POU2F2: variants seen among roughly 807,000 people sequenced by gnomAD.
POU2F2 encodes the protein POU class 2 homeobox 2.
In POU2F2, 14 loss-of-function variants were observed where a neutral mutation model predicts 63.5. That is an observed-to-expected ratio of 0.22 (90% confidence interval 0.15 to 0.34). The LOEUF is 0.34. Among genes scored for constraint, POU2F2 ranks in the 10% least tolerant of loss-of-function variants. The probability of loss-of-function intolerance (pLI) is 1.00; values close to 1 mark genes in which losing one functional copy is unlikely to be tolerated. For synonymous variants in POU2F2, 306 were observed against 348.6 expected, an observed-to-expected ratio of 0.88 and a Z score of 1.36; for missense variants, 607 against 815.2, an observed-to-expected ratio of 0.74 and a Z score of 3.11.
chr19:42,103,855 G>C (rs780716222), intron 5 of POU2F2, among the ~76,000 whole-genome samples: 3 of 151,534 alleles, frequency 2.0e-5, no homozygotes, highest in Non-Finnish European at 2.9e-5. Context: ...GGATGGTCTC[G>C]ATCTCCTGAC....
Position 42,117,317 on chromosome 19 carries a change from G to T in POU2F2, c.302C>A (p.Pro101His), listed in dbSNP as rs758527510. The change falls in exon 5 of 15, where the codon CCC becomes CAC. Residue 101 changes from proline to histidine, a missense_variant. Physicochemically the swap from Pro to His is moderately conservative, Grantham distance 77 (BLOSUM62 -2). Transcript: ENST00000692977. The surrounding 1 kb of genome is among the most constrained non-coding windows in gnomAD (Gnocchi z 4.4). Reference sequence around the variant, plus strand: ...CAGATGAGGCTGGGCCGGCTGAGGGGGCAGGGGTGCTGCTGGGGCTGAATC... The same window carrying T: ...CAGATGAGGCTGGGCCGGCTGAGGGTGCAGGGGTGCTGCTGGGGCTGAATC... ...SGDSAPAAPLPPQPAQPHLPQ... is the reference protein window; with the variant it reads ...SGDSAPAAPLHPQPAQPHLPQ... The T allele has an allele frequency of 6.6e-7, 1 of 1,525,632 alleles. No individual in the cohort carries two copies. Among genetic ancestry groups the T allele is most frequent in the Admixed American group, 2.5e-5 (1 of 39,416 alleles). The allele number at this position is 1,525,632 out of a possible 1,614,324, so 94.5% of individuals were successfully genotyped here.
intron 2 of POU2F2, among the ~76,000 whole-genome samples, chr19:42,142,736 T>C (rs1376352933): frequency 6.6e-6 from 1 of 152,044 alleles, no homozygotes; most frequent in Non-Finnish European, 1.5e-5. Context: ...CTAAGTTTTG[T>C]ACTTTTTGGT....
chr19:42,167,027 G>A (rs1013090821), intron 1 of POU2F2, among the ~76,000 whole-genome samples: 1 of 152,108 alleles, frequency 6.6e-6, no homozygotes, highest in African/African-American at 2.4e-5. Context: ...TACACACTAG[G>A]GATACAACTA....
At chr19:42,122,688 C>G (rs2032789100) in intron 1 of POU2F2, 112 bp from the exon 2 acceptor site, 5 of 979,894 alleles carry the variant, frequency 5.1e-6, no homozygotes, top group African/African-American at 1.7e-5. Flanking sequence ...CCCCCTTACC[C>G]CCAGCCACCT....
chr19:42,128,869 G>A (rs1045032017), intron 1 of POU2F2, among the ~76,000 whole-genome samples: 1 of 150,824 alleles, frequency 6.6e-6, no homozygotes, highest in Admixed American at 6.6e-5. Context: ...GTCTCACTCT[G>A]TCGCCCAGGC....
chr19:42,122,688 C>T, intron 1 of POU2F2, 112 bp from the exon 2 acceptor site: 1 of 980,012 alleles, frequency 1.0e-6, no homozygotes, highest in Non-Finnish European at 1.5e-6. Flanking sequence ...CCCCCTTACC[C>T]CCAGCCACCT....
At chr19:42,174,569 AC>A (rs540288454) in intron 1 of POU2F2, among the ~76,000 whole-genome samples, 207 of 150,766 alleles carry the variant, frequency 1.4e-3, no homozygotes, top group African/African-American at 4.7e-3. Context: ...CCAGTACCCA[AC>A]CCCCCACTGA....
In POU2F2 at chr19:42,096,970, A is replaced by ATCCCAGCACTTTGGGAGGCCGAG. The variant is rs2076943906; in HGVS notation, c.568-728_568-727insCTCGGCCTCCCAAAGTGCTGGGA. On this transcript the variant is annotated intron_variant, in intron 7 of 14. Coordinates refer to ENST00000692977, the MANE Select transcript of POU2F2 (RefSeq NM_001394376.1). The surrounding 1 kb of genome is among the most constrained non-coding windows in gnomAD (Gnocchi z 4.1). ...ACAGCTCTTAAGAAATTAAGTCCTA[A>ATCCCAGCACTTTGGGAGGCCGAG]GCAATGAGTAGATTGCAAATAAAGT... Among the ~76,000 whole-genome samples the ATCCCAGCACTTTGGGAGGCCGAG allele has an allele frequency of 6.6e-6, 1 of 152,026 alleles. No individual in the cohort carries two copies. Among genetic ancestry groups the ATCCCAGCACTTTGGGAGGCCGAG allele is most frequent in the East Asian group, 1.9e-4 (1 of 5,180 alleles).
Position 42,088,513 on chromosome 19 carries a change from T to C in POU2F2, c.*2744A>G, listed in dbSNP as rs2076618030. The C allele has an allele frequency of 1.3e-5, 2 of 151,036 alleles. No individual in the cohort carries two copies. Among genetic ancestry groups the C allele is most frequent in the African/African-American group, 4.9e-5 (2 of 41,160 alleles). 9.4% of individuals were successfully genotyped at this position (151,036 alleles called of 1,614,324 possible). ...TTTTCTTTCCTTTTTTTTTTTTTTT[T>C]TTCCTTTTTGGTCTAGAATCATAGT... On this transcript the variant is annotated 3_prime_UTR_variant, in exon 15 of 15. Coordinates refer to ENST00000692977, the MANE Select transcript of POU2F2 (RefSeq NM_001394376.1).
Position 42,146,151 on chromosome 19 carries a change from C to CA in POU2F2, c.-9+14180dup, listed in dbSNP as rs200307437. On this transcript the variant is annotated intron_variant, in intron 2 of 6. Coordinates refer to the POU2F2 transcript ENST00000524801. ...CTCACTGAATCTTCTCAATACTCTA[C>CA]AAAAAAGCATTGTTAACATCCCCAT... Among the ~76,000 whole-genome samples, 899 of 152,094 alleles carry CA rather than the reference C, an allele frequency of 5.9e-3. 7 individuals carry two copies. Among genetic ancestry groups the CA allele is most frequent in the African/African-American group, 0.02 (841 of 41,484 alleles).
chr19:42,177,328 C>T, upstream of POU2F2: 1 of 153,292 alleles, frequency 6.5e-6, no homozygotes, highest in Non-Finnish European at 1.5e-5. Context: ...CTCGCCTGAG[C>T]TGCCGGCGCG....
chr19:42,110,402 T>G (rs2030886865), intron 5 of POU2F2: 1 of 157,124 alleles, frequency 6.4e-6, no homozygotes. Flanking sequence ...AGTGGGTGCC[T>G]GCCATGGAAG....
rs376788685 is a variant in POU2F2, at chr19:42,103,874, C to T, written c.370-4053G>A. 5.1e-4 allele frequency among the ~76,000 whole-genome samples: 77 copies of T among 151,672 alleles called. 3 individuals carry two copies. The highest frequency in any genetic ancestry group is 1.8e-3 in the African/African-American group (75 of 41,320). The stretch of plus-strand genomic sequence containing the variant: ...GGTCTCGATCTCCTGACCTCGTGAT[C>T]CGCCTGCCTCGGCCTCCCAAAGAGC... On this transcript the variant is annotated intron_variant, in intron 5 of 14. Transcript: ENST00000692977.
chr19:42,115,597 C>T (rs1017150973), intron 5 of POU2F2, among the ~76,000 whole-genome samples: 1 of 152,134 alleles, frequency 6.6e-6, no homozygotes, highest in African/African-American at 2.4e-5. Flanking sequence ...ACCAGACAGA[C>T]AACATGAATG....
At chr19:42,110,921 C>A (rs2030986414) in intron 5 of POU2F2, among the ~76,000 whole-genome samples, 1 of 152,184 alleles carries the variant, frequency 6.6e-6, no homozygotes, top group Admixed American at 6.5e-5. Flanking sequence ...TACTTTTTCA[C>A]TGGGTTGTTC....
chr19:42,091,359 TGAG>T lies in POU2F2; in HGVS notation c.1770_1772del (p.Ser601del), dbSNP rs781278677. On this transcript the variant is annotated inframe_deletion, in exon 15 of 15. Transcript: ENST00000692977. ...AGGAGGAGGATGAGGATGAAGAGGA[TGAG>T]GAGGAGAGGCCAGGAGACTTGCTGG... 104 of 1,537,920 alleles carry T rather than the reference TGAG, an allele frequency of 6.8e-5. No individual in the cohort carries two copies. Among genetic ancestry groups the T allele is most frequent in the Non-Finnish European group, 8.8e-5 (101 of 1,146,762 alleles).
rs1274987763 is a variant in POU2F2 at position 42,093,832 on chromosome 19, T to C, written c.1261A>G (p.Thr421Ala). Residue 421 changes from threonine (T) to alanine (A), a missense_variant, in exon 12 of 15, where the codon ACA becomes GCA. This residue lies in a region of POU2F2 where 270 missense variants were observed against 307.5 expected (regional missense o/e 0.88). Transcript: ENST00000692977. Reference protein sequence around the residue: ...LSQASSSLSTTVTTLSSAVGT... With the variant: ...LSQASSSLSTAVTTLSSAVGT... ...ACCATTTTCTGCCCTCCCTGACCTG[T>C]TGTGCTCAGACTGCTGGAAGCTTGG... The C allele has an allele frequency of 6.2e-7, 1 of 1,611,110 alleles. No individual in the cohort carries two copies. Among genetic ancestry groups the C allele is most frequent in the Non-Finnish European group, 8.5e-7 (1 of 1,177,788 alleles).
intron 5 of POU2F2, among the ~76,000 whole-genome samples, chr19:42,100,401 T>C (rs569667617): frequency 1.3e-5 from 2 of 152,188 alleles, no homozygotes; most frequent in African/African-American, 4.8e-5. Context: ...CCTTTCTTTC[T>C]TGATGAAATA....
chr19:42,128,583 G>C (rs2033409962), intron 1 of POU2F2, among the ~76,000 whole-genome samples: 1 of 152,136 alleles, frequency 6.6e-6, no homozygotes, highest in Non-Finnish European at 1.5e-5. Context: ...AATGAACAGG[G>C]AGCTCCATTT....
Sources: gnomAD v4.1 joint callset for allele counts (sites outside exome capture counted in the v4.1 genomes callset) on GRCh38, gnomAD v4.1.1 for gene constraint, gnomAD v4.1.1 regional missense constraint, Gnocchi (gnomAD v3.1) non-coding constraint, MANE v1.5 for transcripts, NCBI Gene and HGNC (gene_info 2026-07-23, HGNC 2026-07-21) for gene names.